The following KLF8 variants were observed in gnomAD, a reference collection of about 807,000 sequenced individuals.
KLF8 encodes KLF transcription factor 8, also known as Krueppel-like factor 8.
A neutral mutation model predicts 18.2 loss-of-function variants in KLF8; 10 were observed. The ratio of observed to expected loss-of-function variants is 0.55; its 90% CI spans 0.34 to 0.93. KLF8 has a LOEUF of 0.93. KLF8 is among the 40% of genes least tolerant of loss of function. KLF8 has a pLI of 0.02. For synonymous variants in KLF8, 109 were observed against 97.3 expected (o/e 1.12, Z -0.71); for missense variants, 264 against 277.9 (o/e 0.95, Z 0.36).
chrX:56,047,322 T>C, the KLF8 span, among the ~76,000 whole-genome samples: 13 of 109,895 alleles, frequency 1.2e-4, no homozygotes, highest in Admixed American at 9.8e-5. Context: ...ATGTGCAGGT[T>C]TGTTACATAT....
the KLF8 span, among the ~76,000 whole-genome samples, chrX:56,036,542 C>A: frequency 8.9e-6 from 1 of 112,067 alleles, no homozygotes; most frequent in Non-Finnish European, 1.9e-5. Context: ...CTCTATGTTT[C>A]TGTTTTTATG....
chrX:56,231,621 G>A (rs73490537), upstream of KLF8, among the ~76,000 whole-genome samples: 446 of 111,571 alleles, frequency 4.0e-3, 1 homozygote, highest in African/African-American at 0.014. Flanking sequence ...ATGGGCTGTG[G>A]TTGCTTGTGA....
chrX:56,077,685 A>G, the KLF8 span, among the ~76,000 whole-genome samples: 5 of 111,772 alleles, frequency 4.5e-5, no homozygotes, highest in African/African-American at 1.6e-4. Context: ...GAAGAAAGTC[A>G]TTGGTAGCTT....
chrX:56,160,683 TC>T, the KLF8 span, among the ~76,000 whole-genome samples: 1 of 111,684 alleles, frequency 9.0e-6, no homozygotes, highest in Non-Finnish European at 1.9e-5. Context: ...TGGTTTAAAA[TC>T]TGTTTTATCA....
At chrX:56,058,332 A>G in the KLF8 span, among the ~76,000 whole-genome samples, 59 of 72,995 alleles carry the variant, frequency 8.1e-4, no homozygotes, top group African/African-American at 2.7e-3. Context: ...AGTGAGTTTT[A>G]TATGTTTGTT....
chrX:56,092,776 G>A, the KLF8 span, among the ~76,000 whole-genome samples: 1 of 108,687 alleles, frequency 9.2e-6, no homozygotes, highest in African/African-American at 3.3e-5. Context: ...AATATTCAAA[G>A]GGCTCTAATG....
chrX:56,077,070 A>G, the KLF8 span, among the ~76,000 whole-genome samples: 1 of 110,771 alleles, frequency 9.0e-6, no homozygotes, highest in South Asian at 3.8e-4. Flanking sequence ...GGTTACAAAA[A>G]TTTTCTCCCA....
At chrX:56,157,737 GTTT>G in the KLF8 span, among the ~76,000 whole-genome samples, 1 of 111,613 alleles carries the variant, frequency 9.0e-6, no homozygotes, top group African/African-American at 3.3e-5. Flanking sequence ...TGATGGGGTT[GTTT>G]GCTTTTTTCT....
the KLF8 span, among the ~76,000 whole-genome samples, chrX:55,958,943 C>A: frequency 2.1e-4 from 23 of 112,140 alleles, no homozygotes; most frequent in African/African-American, 4.5e-4. Flanking sequence ...AGGACCCCTG[C>A]CACCCTACTG....
the KLF8 span, among the ~76,000 whole-genome samples, chrX:55,923,322 T>A: frequency 2.0e-5 from 2 of 99,800 alleles, no homozygotes; most frequent in Non-Finnish European, 4.0e-5. Context: ...TAACACACAC[T>A]AAGGGCTGTC....
At chrX:56,017,345 C>G in the KLF8 span, among the ~76,000 whole-genome samples, 1 of 112,338 alleles carries the variant, frequency 8.9e-6, no homozygotes, top group African/African-American at 3.2e-5. Context: ...AACATGGCCT[C>G]CTTGCTTGCC....
chrX:56,031,769 G>A, the KLF8 span, among the ~76,000 whole-genome samples: 2 of 111,458 alleles, frequency 1.8e-5, no homozygotes, highest in Non-Finnish European at 3.8e-5. Context: ...GGTAGTGAAG[G>A]TAGTGGCTTT....
At chrX:56,211,198 A>G in the KLF8 span, among the ~76,000 whole-genome samples, 9 of 112,338 alleles carry the variant, frequency 8.0e-5, no homozygotes, top group South Asian at 3.7e-4. Context: ...ATATATTTGA[A>G]AAGACTTGGA....
At chrX:56,091,016 C>T in the KLF8 span, among the ~76,000 whole-genome samples, 1 of 111,936 alleles carries the variant, frequency 8.9e-6, no homozygotes, top group African/African-American at 3.2e-5. Flanking sequence ...TTCATCCATT[C>T]CTCCATTGAT....
the KLF8 span, chrX:55,908,308 A>AGGTCG: frequency 3.6e-6 from 1 of 278,200 alleles, no homozygotes. Flanking sequence ...ATTGTTGAAA[A>AGGTCG]GGTCGGAAGG....
At chrX:56,202,397 C>T in the KLF8 span, among the ~76,000 whole-genome samples, 1 of 110,949 alleles carries the variant, frequency 9.0e-6, no homozygotes, top group East Asian at 2.8e-4. Flanking sequence ...AGGTATCCAT[C>T]CTCTCAAACA....
chrX:56,189,548 C>T, the KLF8 span, among the ~76,000 whole-genome samples: 1 of 111,152 alleles, frequency 9.0e-6, no homozygotes, highest in East Asian at 2.8e-4. Flanking sequence ...ATAAATCATG[C>T]TGCTATAAAA....
intron 5 of KLF8, among the ~76,000 whole-genome samples, chrX:56,277,510 C>T (rs955258347): frequency 8.9e-6 from 1 of 112,176 alleles, no homozygotes; most frequent in Non-Finnish European, 1.9e-5. Flanking sequence ...GACAAACAGT[C>T]TCTCTCTCTG....
the KLF8 span, among the ~76,000 whole-genome samples, chrX:55,952,179 A>G: frequency 8.9e-6 from 1 of 112,413 alleles, no homozygotes; most frequent in Non-Finnish European, 1.9e-5. Context: ...CAATTTTTAC[A>G]GCAAAGTGAG....
Sources: allele counts gnomAD v4.1 joint callset (sites outside exome capture counted in the v4.1 genomes callset), GRCh38; gene constraint gnomAD v4.1.1; transcripts MANE v1.5; gene names NCBI Gene and HGNC (gene_info 2026-07-23, HGNC 2026-07-21).